FMN2: variants seen among roughly 807,000 people sequenced by gnomAD.
FMN2 encodes formin 2.
Under a neutral mutation model 142.3 loss-of-function variants are expected in FMN2, and 51 were observed. The observed-to-expected ratio is 0.36, with a 90% confidence interval of 0.29 to 0.45. FMN2 has a LOEUF of 0.45. Among genes scored for constraint, FMN2 ranks in the 20% least tolerant of loss-of-function variants. The pLI is 1.00. For synonymous variants in FMN2, 882 were observed against 869.8 expected (o/e 1.01, Z -0.25); for missense variants, 1,936 against 2,122.8 (o/e 0.91, Z 1.73).
At chr1:240,235,487 C>T (rs1019883930) in intron 6 of FMN2, among the ~76,000 whole-genome samples, 7 of 151,678 alleles carry the variant, frequency 4.6e-5, no homozygotes, top group Admixed American at 1.3e-4. Flanking sequence ...TCATCGCTCA[C>T]GACAGCTTCA....
chr1:240,439,270 C>CAAAAAAAAAAAAAAAA (rs58234038), intron 16 of FMN2, among the ~76,000 whole-genome samples: 1 of 101,262 alleles, frequency 9.9e-6, no homozygotes, highest in African/African-American at 4.5e-5. Context: ...AAGGCTGTCT[C>CAAAAAAAAAAAAAAAA]AAAAAAAAAA....
chr1:240,195,159 C>G (rs1375501846), intron 4 of FMN2, among the ~76,000 whole-genome samples: 1 of 152,140 alleles, frequency 6.6e-6, no homozygotes, highest in Non-Finnish European at 1.5e-5. Context: ...TTGGAGCCCC[C>G]AAATCATATT....
At chr1:240,121,233 C>A (rs1219390427) in intron 1 of FMN2, among the ~76,000 whole-genome samples, 1 of 152,128 alleles carries the variant, frequency 6.6e-6, no homozygotes, top group Admixed American at 6.5e-5. Context: ...CAACTGACAA[C>A]CAGTAGAAAA....
At chr1:240,266,453 C>G (rs1017125082) in intron 7 of FMN2, among the ~76,000 whole-genome samples, 1 of 151,918 alleles carries the variant, frequency 6.6e-6, no homozygotes. Context: ...TTCCATAGGT[C>G]TTTTCCATGT....
chr1:240,284,634 G>C (rs987595868), intron 7 of FMN2, among the ~76,000 whole-genome samples: 1 of 152,052 alleles, frequency 6.6e-6, no homozygotes, highest in Non-Finnish European at 1.5e-5. Flanking sequence ...GTAAGAAGAG[G>C]GAAATATTTC....
At chr1:240,121,648 C>G (rs1160444390) in intron 1 of FMN2, among the ~76,000 whole-genome samples, 2 of 146,274 alleles carry the variant, frequency 1.4e-5, no homozygotes, top group Admixed American at 7.2e-5. Flanking sequence ...CTCGGCCTCC[C>G]AAAGTGCTGG....
intron 8 of FMN2, among the ~76,000 whole-genome samples, chr1:240,295,337 C>T (rs556998264): frequency 2.3e-4 from 35 of 152,202 alleles, no homozygotes; most frequent in African/African-American, 8.2e-4. Flanking sequence ...TTGATTACCA[C>T]AATCAGATTA....
intron 14 of FMN2, among the ~76,000 whole-genome samples, chr1:240,358,547 C>T (rs767953210): frequency 1.1e-4 from 16 of 152,120 alleles, no homozygotes; most frequent in Non-Finnish European, 1.8e-4. Flanking sequence ...CACTTCAGCA[C>T]GTCTGGGGAG....
intron 2 of FMN2, among the ~76,000 whole-genome samples, chr1:240,138,297 G>T (rs1663038067): frequency 6.6e-6 from 1 of 151,960 alleles, no homozygotes; most frequent in African/African-American, 2.4e-5. Flanking sequence ...CTGTGTTTGT[G>T]GTTAGGATGC....
chr1:240,415,107 T>A (rs1381537903), intron 15 of FMN2, among the ~76,000 whole-genome samples: 1 of 152,156 alleles, frequency 6.6e-6, no homozygotes, highest in South Asian at 2.1e-4. Context: ...TTTAAAAATA[T>A]GTTGAATAGC....
intron 2 of FMN2, among the ~76,000 whole-genome samples, chr1:240,128,562 G>A (rs1662603934): frequency 6.6e-6 from 1 of 152,154 alleles, no homozygotes; most frequent in Non-Finnish European, 1.5e-5. Flanking sequence ...TGGCAGATCT[G>A]CTGATTTTGC....
intron 4 of FMN2, among the ~76,000 whole-genome samples, chr1:240,193,113 A>G (rs1177447728): frequency 6.6e-6 from 1 of 152,156 alleles, no homozygotes; most frequent in Non-Finnish European, 1.5e-5. Context: ...TGAGTTTTAG[A>G]TGGTGTAAAA....
chr1:240,128,896 C>T (rs1369816919), intron 2 of FMN2, among the ~76,000 whole-genome samples: 2 of 151,884 alleles, frequency 1.3e-5, no homozygotes. Flanking sequence ...TTTTTTGAGA[C>T]AGAATCTCAT....
At chr1:240,249,920 G>A (rs1668221565) in intron 6 of FMN2, among the ~76,000 whole-genome samples, 1 of 152,002 alleles carries the variant, frequency 6.6e-6, no homozygotes, top group African/African-American at 2.4e-5. Flanking sequence ...GTAGGAACTA[G>A]TGATTTTTGT....
chr1:240,130,669 T>A (rs944437239), intron 2 of FMN2, among the ~76,000 whole-genome samples: 5 of 152,218 alleles, frequency 3.3e-5, no homozygotes, highest in African/African-American at 1.2e-4. Context: ...TAGTTTACAT[T>A]TGGCTTATCC....
At chr1:240,262,214 T>A (rs138393256) in intron 7 of FMN2, among the ~76,000 whole-genome samples, 43 of 152,030 alleles carry the variant, frequency 2.8e-4, no homozygotes, top group African/African-American at 1.0e-3. Flanking sequence ...ATTTGGCCCC[T>A]CCCACCGTGA....
chr1:240,302,576 A>C (rs1230468237), intron 8 of FMN2, among the ~76,000 whole-genome samples: 3 of 152,088 alleles, frequency 2.0e-5, no homozygotes, highest in African/African-American at 7.2e-5. Flanking sequence ...CAAATGTTGA[A>C]GAGCATTTGA....
At chr1:240,426,174 TG>T (rs761439489) in intron 15 of FMN2, among the ~76,000 whole-genome samples, 102 of 152,340 alleles carry the variant, frequency 6.7e-4, no homozygotes, top group African/African-American at 2.3e-3. Flanking sequence ...GCACCTCTTT[TG>T]GTTGTAATAA....
intron 7 of FMN2, among the ~76,000 whole-genome samples, chr1:240,291,130 CGTG>C (rs1669771653): frequency 1.3e-5 from 2 of 151,956 alleles, no homozygotes; most frequent in Non-Finnish European, 2.9e-5. Flanking sequence ...ATTAGTAACA[CGTG>C]GTCATTTGTA....
Sources: gnomAD v4.1 joint callset for allele counts (sites outside exome capture counted in the v4.1 genomes callset) on GRCh38, gnomAD v4.1.1 for gene constraint, MANE v1.5 for transcripts, NCBI Gene and HGNC (gene_info 2026-07-23, HGNC 2026-07-21) for gene names.